The following RIGI variants were observed in gnomAD, a reference collection of about 807,000 sequenced individuals.
RIGI encodes the protein RNA sensor RIG-I.
chr9:32,502,355 C>A, the RIGI span, among the ~76,000 whole-genome samples: 1 of 152,296 alleles, frequency 6.6e-6, no homozygotes, highest in East Asian at 1.9e-4. Flanking sequence ...ATATTCATTT[C>A]TCTTGAGTAC....
the RIGI span, among the ~76,000 whole-genome samples, chr9:32,471,624 G>A: frequency 6.6e-6 from 1 of 152,192 alleles, no homozygotes; most frequent in Admixed American, 6.5e-5. Flanking sequence ...TTGGAGGTTG[G>A]GGAAGGCTAC....
chr9:32,513,838 G>C, the RIGI span, among the ~76,000 whole-genome samples: 5 of 152,068 alleles, frequency 3.3e-5, no homozygotes, highest in African/African-American at 1.2e-4. Flanking sequence ...ATCTGACAAA[G>C]GGCTAATATC....
At chr9:32,460,000 T>A in the RIGI span, among the ~76,000 whole-genome samples, 1 of 152,168 alleles carries the variant, frequency 6.6e-6, no homozygotes, top group African/African-American at 2.4e-5. Flanking sequence ...TTAACAGAAT[T>A]CCCACGTGTT....
chr9:32,457,095 C>A, the RIGI span: 1 of 1,588,374 alleles, frequency 6.3e-7, no homozygotes, highest in South Asian at 1.1e-5. Context: ...TACTCATTCC[C>A]TGTAGCTGAA....
At chr9:32,457,124 A>G in the RIGI span, 1 of 1,612,028 alleles carries the variant, frequency 6.2e-7, no homozygotes, top group Non-Finnish European at 8.5e-7. Flanking sequence ...ACCTGATATC[A>G]TTTGGACATT....
the RIGI span, among the ~76,000 whole-genome samples, chr9:32,460,731 C>A: frequency 6.6e-6 from 1 of 151,528 alleles, no homozygotes; most frequent in African/African-American, 2.4e-5. Flanking sequence ...ACTGAAAGAA[C>A]AACAGAAATT....
chr9:32,512,045 C>T, the RIGI span, among the ~76,000 whole-genome samples: 2 of 152,226 alleles, frequency 1.3e-5, no homozygotes, highest in African/African-American at 4.8e-5. Context: ...AGTCAAATCC[C>T]TGAAGAGACC....
chr9:32,458,889 CTT>C, the RIGI span, among the ~76,000 whole-genome samples: 7 of 124,996 alleles, frequency 5.6e-5, no homozygotes, highest in Non-Finnish European at 3.3e-5. Flanking sequence ...TTTAGCATGA[CTT>C]TTTTTTTTTT....
chr9:32,465,549 T>C, the RIGI span, among the ~76,000 whole-genome samples: 1 of 152,208 alleles, frequency 6.6e-6, no homozygotes, highest in African/African-American at 2.4e-5. Flanking sequence ...TTTATCCTCA[T>C]GACCACCCTG....
the RIGI span, among the ~76,000 whole-genome samples, chr9:32,476,029 T>A: frequency 4.2e-3 from 637 of 152,006 alleles, 4 homozygotes; most frequent in African/African-American, 0.014. Flanking sequence ...AACAGACACC[T>A]CACCAAGGCA....
the RIGI span, among the ~76,000 whole-genome samples, chr9:32,510,539 G>A: frequency 3.3e-5 from 5 of 152,194 alleles, no homozygotes; most frequent in Non-Finnish European, 5.9e-5. Context: ...AGCAAATGCT[G>A]AGAGATTTTG....
At chr9:32,462,741 T>G in the RIGI span, among the ~76,000 whole-genome samples, 1 of 152,098 alleles carries the variant, frequency 6.6e-6, no homozygotes, top group Non-Finnish European at 1.5e-5. Context: ...TTGAGATAGA[T>G]TCCTACTATG....
chr9:32,482,187 T>TTGTGTGTGTGTG, the RIGI span, among the ~76,000 whole-genome samples: 4 of 144,958 alleles, frequency 2.8e-5, no homozygotes, highest in African/African-American at 5.1e-5. Flanking sequence ...GTGTGTTTGT[T>TTGTGTGTGTGTG]TGTGTGTGTG....
the RIGI span, chr9:32,457,548 T>C: frequency 1.2e-6 from 1 of 811,192 alleles, no homozygotes; most frequent in Non-Finnish European, 1.8e-6. Flanking sequence ...TCACTTATTT[T>C]ACAATTGGAG....
the RIGI span, among the ~76,000 whole-genome samples, chr9:32,510,915 A>C: frequency 2.0e-5 from 3 of 150,302 alleles, no homozygotes; most frequent in Non-Finnish European, 4.4e-5. Flanking sequence ...AATGGAAAGA[A>C]AAAAAAAAAG....
the RIGI span, among the ~76,000 whole-genome samples, chr9:32,460,461 A>T: frequency 2.0e-5 from 3 of 152,230 alleles, no homozygotes; most frequent in Non-Finnish European, 4.4e-5. Flanking sequence ...TCATACCAAT[A>T]AACAGAAAGA....
the RIGI span, among the ~76,000 whole-genome samples, chr9:32,466,683 C>T: frequency 3.2e-5 from 3 of 95,006 alleles, no homozygotes; most frequent in Non-Finnish European, 5.9e-5. Flanking sequence ...CAGAGCAAGA[C>T]CTATCTCAAA....
chr9:32,460,761 A>G, the RIGI span, among the ~76,000 whole-genome samples: 1 of 147,556 alleles, frequency 6.8e-6, no homozygotes, highest in Non-Finnish European at 1.5e-5. Flanking sequence ...GAACAACAAA[A>G]AAATACACTG....
chr9:32,524,634 A>G, the RIGI span, among the ~76,000 whole-genome samples: 2 of 90,650 alleles, frequency 2.2e-5, no homozygotes, highest in African/African-American at 9.1e-5. Context: ...TGGAGACAAG[A>G]GTCTCACGAT....
Sources: gnomAD v4.1 joint callset for allele counts (sites outside exome capture counted in the v4.1 genomes callset) on GRCh38, gnomAD v4.1.1 for gene constraint, MANE v1.5 for transcripts, NCBI Gene and HGNC (gene_info 2026-07-23, HGNC 2026-07-21) for gene names.